RAB11FIP1: variants seen among roughly 807,000 people sequenced by gnomAD.
RAB11FIP1 encodes the protein RAB11 family interacting protein 1.
A neutral mutation model predicts 83.1 loss-of-function variants in RAB11FIP1; 49 were observed. The observed-to-expected ratio is 0.59, with a 90% CI of 0.47 to 0.75. RAB11FIP1 has a LOEUF of 0.75. Among genes scored for constraint, RAB11FIP1 ranks in the 30% least tolerant of loss-of-function variants. The pLI is 0.00. For missense variants in RAB11FIP1, 1,536 were observed against 1,598.7 expected, an observed-to-expected ratio of 0.96 and a Z score of 0.67; for synonymous variants, 670 against 656.0, an observed-to-expected ratio of 1.02 and a Z score of -0.33.
intron 1 of RAB11FIP1, among the ~76,000 whole-genome samples, chr8:37,891,160 CA>C (rs1413107095): frequency 6.6e-6 from 1 of 152,160 alleles, no homozygotes; most frequent in African/African-American, 2.4e-5. Flanking sequence ...CTCTCGTTGC[CA>C]ATACAAGGGT....
rs770847209 is a variant in RAB11FIP1 at position 37,871,403 on chromosome 8, C to G, written c.3399G>C (p.Glu1133Asp). ...AATTTTCAACTCTACCAGCGGAGCC[C>G]TCTGCTGTGGCTTTTTTTTGAGATT... is the stretch of plus-strand genomic sequence containing the variant. ...TAESQKKATA[E>D]GSAGRVENFG... Residue 1133 changes from glutamate (E) to aspartate (D), a missense_variant, in exon 4 of 6, where the codon GAG (glutamate) becomes GAC (aspartate). By Grantham distance (45) the Glu-to-Asp change is conservative (BLOSUM62 2). Coordinates refer to ENST00000330843, the MANE Select transcript of RAB11FIP1 (RefSeq NM_001002814.3). The G allele has an allele frequency of 6.2e-7, 1 of 1,614,222 alleles. No homozygotes were observed. The highest frequency in any genetic ancestry group is 1.1e-5 in the South Asian group (1 of 91,084).
chr8:37,888,508 G>A (rs967092000), intron 1 of RAB11FIP1, among the ~76,000 whole-genome samples: 3 of 151,250 alleles, frequency 2.0e-5, no homozygotes, highest in South Asian at 2.1e-4. Context: ...TTTTTCAGAC[G>A]GGCTCTGTTG....
chr8:37,863,813 T>C (rs993959156), intron 5 of RAB11FIP1, among the ~76,000 whole-genome samples: 11 of 152,180 alleles, frequency 7.2e-5, no homozygotes, highest in Non-Finnish European at 1.6e-4. Context: ...ATGGGAGGAC[T>C]CAGTTCTCCA....
intron 2 of RAB11FIP1, among the ~76,000 whole-genome samples, chr8:37,876,150 G>A (rs187283191): frequency 6.6e-6 from 1 of 151,622 alleles, no homozygotes; most frequent in African/African-American, 2.4e-5. Context: ...AGCCAAGATC[G>A]CACCATTGCA....
Position 37,874,523 on chromosome 8 carries a change from G to C in RAB11FIP1, c.1614C>G (p.Val538=), listed in dbSNP as rs1449901462. 10 of 1,613,694 alleles carry C rather than the reference G, an allele frequency of 6.2e-6. No homozygotes were observed. Among genetic ancestry groups the C allele is most frequent in the Non-Finnish European group, 7.6e-6 (9 of 1,179,734 alleles). The change falls in exon 3 of 6, where the codon GTC becomes GTG. Residue 538 remains valine, a synonymous_variant. Transcript: ENST00000330843. ...GAAGAGCCAAAACTCACCGGGGCTT[G>C]ACAGCTCTGGTCTGGGGAGCCCTCG... ...SSPRAPQTRA[V]KPRLEVSPEA...
chr8:37,874,877 T>A lies in RAB11FIP1; in HGVS notation c.1260A>T (p.Thr420=). Residue 420 remains threonine (T), a synonymous_variant, in exon 3 of 6, where the codon ACA becomes ACT. Coordinates refer to ENST00000330843, the MANE Select transcript of RAB11FIP1 (RefSeq NM_001002814.3). ...ENMAPANSEA[T]KEAKESKKPE... Reference sequence around the variant, plus strand: ...GCTTCTTGCTCTCCTTAGCTTCTTTTGTGGCCTCTGAGTTTGCGGGGGCCA... The same window carrying A: ...GCTTCTTGCTCTCCTTAGCTTCTTTAGTGGCCTCTGAGTTTGCGGGGGCCA... The A allele has an allele frequency of 6.2e-7, 1 of 1,614,188 alleles. No individual in the cohort carries two copies. The highest frequency in any genetic ancestry group is 8.5e-7 in the Non-Finnish European group (1 of 1,180,024).
intron 1 of RAB11FIP1, among the ~76,000 whole-genome samples, chr8:37,893,246 T>C (rs1258321352): frequency 1.3e-5 from 2 of 151,934 alleles, no homozygotes; most frequent in African/African-American, 4.8e-5. Context: ...AGCTAATTTT[T>C]GTATTTTTAG....
chr8:37,876,635 C>G (rs1563370049), intron 2 of RAB11FIP1, among the ~76,000 whole-genome samples: 3 of 150,856 alleles, frequency 2.0e-5, no homozygotes, highest in Non-Finnish European at 1.5e-5. Context: ...AAAAAAGAAA[C>G]AGAGAGGGCA....
chr8:37,873,910 A>G (rs1806543676), intron 3 of RAB11FIP1, among the ~76,000 whole-genome samples: 3 of 151,836 alleles, frequency 2.0e-5, no homozygotes, highest in Non-Finnish European at 4.4e-5. Context: ...AGTAAGCAGA[A>G]TCTCTAAAAA....
Position 37,872,324 on chromosome 8 carries a change from C to T in RAB11FIP1, c.2478G>A (p.Leu826=). The change falls in exon 4 of 6, where the codon TTG becomes TTA. Residue 826 remains leucine (L), a synonymous_variant. Transcript: ENST00000330843. The part of the protein sequence containing the change: ...FTEEAVAGAA[L]LVEGHSSCPQ... Reference sequence around the variant, plus strand: ...GACAACTGCTGTGTCCTTCCACCAGCAAGGCAGCCCCCGCCACTGCCTCTT... The same window carrying T: ...GACAACTGCTGTGTCCTTCCACCAGTAAGGCAGCCCCCGCCACTGCCTCTT... 1 of 1,614,056 alleles carries T rather than the reference C, an allele frequency of 6.2e-7. No individual in the cohort carries two copies. The highest frequency in any genetic ancestry group is 1.3e-5 in the African/African-American group (1 of 75,022).
intron 5 of RAB11FIP1, among the ~76,000 whole-genome samples, chr8:37,864,069 T>G (rs573229969): frequency 6.6e-6 from 1 of 152,336 alleles, no homozygotes; most frequent in East Asian, 1.9e-4. Flanking sequence ...GGGACCCCAC[T>G]TCACATCACT....
At position 37,899,280 on chromosome 8, in the gene RAB11FIP1, G is replaced by C; in HGVS notation, c.162C>G (p.Thr54=). Reference sequence around the variant, plus strand: ...CGCCCAGGCTGCGCTCCGACACGGAGGTGGCGTACTTCTCCTTGCCCACCT... The same window carrying C: ...CGCCCAGGCTGCGCTCCGACACGGACGTGGCGTACTTCTCCTTGCCCACCT... The part of the protein sequence containing the change: ...VIQVGKEKYA[T]SVSERSLGAP... The change falls in exon 1 of 6, where the codon ACC becomes ACG. Residue 54 remains threonine (T), a synonymous_variant. Transcript: ENST00000330843. This position sits in a 1 kb window ranked among gnomAD's most constrained non-coding sequence, Gnocchi z 4.5. 6.2e-7 allele frequency: 1 copy of C among 1,608,646 alleles called. No homozygotes were observed. Among genetic ancestry groups the C allele is most frequent in the Non-Finnish European group, 8.5e-7 (1 of 1,178,728 alleles).
chr8:37,872,411 G>A lies in RAB11FIP1; in HGVS notation c.2391C>T (p.Asn797=). 3 of 1,614,158 alleles carry A rather than the reference G, an allele frequency of 1.9e-6. No individual in the cohort carries two copies. The highest frequency in any genetic ancestry group is 2.5e-6 in the Non-Finnish European group (3 of 1,180,020). The change falls in exon 4 of 6, where the codon AAC becomes AAT. Residue 797 remains asparagine, a synonymous_variant. Coordinates refer to ENST00000330843, the MANE Select transcript of RAB11FIP1 (RefSeq NM_001002814.3). The part of the protein sequence containing the change: ...MMRKLEEMGL[N]LRKDQKKTKK... ...TGGTTTTCTTCTGGTCCTTGCGGAG[G>A]TTCAGACCCATCTCTTCCAGCTTCC... is the stretch of plus-strand genomic sequence containing the variant.
At position 37,862,818 on chromosome 8, in the gene RAB11FIP1, G is replaced by C; in HGVS notation, c.*77C>G. ...TTCGGAGCCTGCTGGCTGGTTATCA[G>C]GCAAGGCAAGTCCTTGACCCCTGGA... On this transcript the variant is annotated 3_prime_UTR_variant, in exon 6 of 6. Coordinates refer to ENST00000330843, the MANE Select transcript of RAB11FIP1 (RefSeq NM_001002814.3). The C allele has an allele frequency of 8.5e-7, 1 of 1,175,704 alleles. No homozygotes were observed. Among genetic ancestry groups the C allele is most frequent in the South Asian group, 1.4e-5 (1 of 71,574 alleles). 72.8% of individuals were successfully genotyped at this position (1,175,704 alleles called of 1,614,324 possible).
intron 5 of RAB11FIP1, among the ~76,000 whole-genome samples, chr8:37,863,632 C>G (rs532808781): frequency 5.9e-5 from 9 of 152,176 alleles, no homozygotes; most frequent in Non-Finnish European, 1.0e-4. Flanking sequence ...CATATTTGAG[C>G]CTTTGCGGGC....
intron 4 of RAB11FIP1, 92 bp downstream of exon 4, chr8:37,871,186 G>A (rs1009446547): frequency 3.6e-5 from 53 of 1,486,074 alleles, no homozygotes; most frequent in Non-Finnish European, 4.2e-5. Flanking sequence ...CACATCAGAC[G>A]TCTGTGTGGT....
At position 37,877,127 on chromosome 8, in the gene RAB11FIP1, A is replaced by G; in HGVS notation, c.796T>C (p.Ser266Pro). 6.2e-7 allele frequency: 1 copy of G among 1,606,816 alleles called. No individual in the cohort carries two copies. The highest frequency in any genetic ancestry group is 8.5e-7 in the Non-Finnish European group (1 of 1,173,514). Reference sequence around the variant, plus strand: ...AACTCACCATCCGAGGCCGAGGAGGACTCATCCTCATTGTCATCTTCATCC... The same window carrying G: ...AACTCACCATCCGAGGCCGAGGAGGGCTCATCCTCATTGTCATCTTCATCC... ...QWDEDDNEDE[S>P]SSASDVMSHK... The change falls in exon 2 of 6, where the codon TCC becomes CCC. Residue 266 changes from serine (S) to proline (P), a missense_variant. Physicochemically the swap from Ser to Pro is moderately conservative, Grantham distance 74 (BLOSUM62 -1). Transcript: ENST00000330843.
chr8:37,875,171 G>T lies in RAB11FIP1; in HGVS notation c.966C>A (p.Asn322Lys), dbSNP rs1022240484. The T allele has an allele frequency of 6.2e-7, 1 of 1,614,144 alleles. No homozygotes were observed. The highest frequency in any genetic ancestry group is 1.3e-5 in the African/African-American group (1 of 75,016). Reference sequence around the variant, plus strand: ...CTTCTGGCTGCTCCAGGTAAACATGGTTCCCATTGATGCAGACATTAGAGC... The same window carrying T: ...CTTCTGGCTGCTCCAGGTAAACATGTTTCCCATTGATGCAGACATTAGAGC... ...LSRSNVCINGNHVYLEQPEAK... is the reference protein window; with the variant it reads ...LSRSNVCINGKHVYLEQPEAK... The change falls in exon 3 of 6, where the codon AAC becomes AAA. Residue 322 changes from asparagine (N) to lysine (K), a missense_variant. Transcript: ENST00000330843.
At chr8:37,892,425 A>ATT (rs1336187083) in intron 1 of RAB11FIP1, among the ~76,000 whole-genome samples, 111 of 144,170 alleles carry the variant, frequency 7.7e-4, no homozygotes, top group Middle Eastern at 3.6e-3. Flanking sequence ...ACTTTTATTT[A>ATT]TATTTATTTA....
Sources: gnomAD v4.1 joint callset for allele counts (sites outside exome capture counted in the v4.1 genomes callset) on GRCh38, gnomAD v4.1.1 for gene constraint, Gnocchi (gnomAD v3.1) non-coding constraint, MANE v1.5 for transcripts, NCBI Gene and HGNC (gene_info 2026-07-23, HGNC 2026-07-21) for gene names.